Variants in CADPS2 observed in about 807,000 individuals in gnomAD.
The protein encoded by CADPS2 is calcium dependent secretion activator 2.
A neutral mutation model predicts 172.5 loss-of-function variants in CADPS2; 93 were observed. The observed-to-expected ratio is 0.54, with a 90% CI of 0.46 to 0.64. CADPS2 has a LOEUF of 0.64. Among genes scored for constraint, CADPS2 ranks in the 30% least tolerant of loss-of-function variants. CADPS2 has a pLI of 0.00. For synonymous variants in CADPS2, 546 were observed against 555.2 expected, an observed-to-expected ratio of 0.98 and a Z score of 0.23; for missense variants, 1,420 against 1,565.9, an observed-to-expected ratio of 0.91 and a Z score of 1.57.
intron 15 of CADPS2, among the ~76,000 whole-genome samples, chr7:122,450,965 A>G (rs531434109): frequency 6.6e-6 from 1 of 152,230 alleles, no homozygotes; most frequent in Non-Finnish European, 1.5e-5. Context: ...ACTACAGACA[A>G]TAAATGCTCA....
intron 9 of CADPS2, among the ~76,000 whole-genome samples, chr7:122,508,179 CA>C (rs2059747878): frequency 6.6e-6 from 1 of 151,118 alleles, no homozygotes; most frequent in South Asian, 2.1e-4. Flanking sequence ...GAACAATTTT[CA>C]AAAAAAATTA....
intron 9 of CADPS2, among the ~76,000 whole-genome samples, chr7:122,502,958 C>T (rs1283406384): frequency 6.6e-6 from 1 of 151,588 alleles, no homozygotes; most frequent in African/African-American, 2.4e-5. Flanking sequence ...AGATTTTCAG[C>T]CATAACACTT....
chr7:122,679,856 T>C (rs1315377722), intron 2 of CADPS2, among the ~76,000 whole-genome samples: 2 of 152,220 alleles, frequency 1.3e-5, no homozygotes, highest in African/African-American at 4.8e-5. Flanking sequence ...CTCACAATCC[T>C]AATCTTGTGG....
chr7:122,711,836 A>G (rs2088786792), intron 2 of CADPS2, among the ~76,000 whole-genome samples: 2 of 151,914 alleles, frequency 1.3e-5, no homozygotes, highest in African/African-American at 4.8e-5. Flanking sequence ...TATTTTTAGT[A>G]GAGACGGGGT....
intron 1 of CADPS2, among the ~76,000 whole-genome samples, chr7:122,768,742 A>T (rs111827947): frequency 0.012 from 1,807 of 152,304 alleles, 31 homozygotes; most frequent in African/African-American, 0.042. Context: ...GTTTAGGTTT[A>T]TAAGCAAATA....
intron 17 of CADPS2, among the ~76,000 whole-genome samples, chr7:122,418,950 T>A (rs546730526): frequency 6.6e-6 from 1 of 152,216 alleles, no homozygotes; most frequent in South Asian, 2.1e-4. Context: ...CCTGACAAAC[T>A]GCTACTCTGC....
chr7:122,601,012 T>A (rs183719061), intron 6 of CADPS2, among the ~76,000 whole-genome samples: 71 of 152,206 alleles, frequency 4.7e-4, no homozygotes, highest in Non-Finnish European at 1.2e-4. Flanking sequence ...CACAATTTTT[T>A]AAATGTGGAT....
chr7:122,797,073 T>G (rs1024442899), intron 1 of CADPS2, among the ~76,000 whole-genome samples: 1 of 151,776 alleles, frequency 6.6e-6, no homozygotes, highest in Admixed American at 6.6e-5. Flanking sequence ...AAAGAAGATA[T>G]ACATGTGGAT....
intron 14 of CADPS2, among the ~76,000 whole-genome samples, chr7:122,452,773 G>T (rs983649278): frequency 6.6e-6 from 1 of 152,076 alleles, no homozygotes; most frequent in Non-Finnish European, 1.5e-5. Flanking sequence ...AATTTTAATG[G>T]TTATATATAA....
At chr7:122,379,190 C>A in intron 25 of CADPS2, 178 bp downstream of exon 25, 2 of 450,022 alleles carry the variant, frequency 4.4e-6, no homozygotes, top group East Asian at 3.6e-5. Flanking sequence ...AAAACAAAAG[C>A]TGTTGACATA....
At chr7:122,823,117 GAA>G (rs1803867826) in intron 1 of CADPS2, among the ~76,000 whole-genome samples, 2 of 152,216 alleles carry the variant, frequency 1.3e-5, no homozygotes, top group African/African-American at 4.8e-5. Context: ...TTCTTTTTGA[GAA>G]AAGTCTATTC....
intron 6 of CADPS2, among the ~76,000 whole-genome samples, chr7:122,587,420 C>T (rs1183406690): frequency 2.0e-5 from 3 of 152,110 alleles, no homozygotes; most frequent in African/African-American, 7.2e-5. Flanking sequence ...CCAGCTTCAT[C>T]CATGTCCCTG....
At chr7:122,500,063 T>A (rs1481337481) in intron 9 of CADPS2, among the ~76,000 whole-genome samples, 3 of 152,138 alleles carry the variant, frequency 2.0e-5, no homozygotes, top group Admixed American at 2.0e-4. Flanking sequence ...AGACGGACCA[T>A]CCAGCAAGAC....
chr7:122,726,021 G>C (rs573107513), intron 2 of CADPS2, among the ~76,000 whole-genome samples: 140 of 151,714 alleles, frequency 9.2e-4, no homozygotes, highest in African/African-American at 3.2e-3. Flanking sequence ...TTTTCAAATA[G>C]TGTTTATTCA....
chr7:122,803,830 G>A (rs1331436920), intron 1 of CADPS2, among the ~76,000 whole-genome samples: 3 of 152,020 alleles, frequency 2.0e-5, no homozygotes, highest in Admixed American at 6.6e-5. Flanking sequence ...CTTAAGTCCT[G>A]TTAAGTCCTG....
chr7:122,338,778 T>C (rs1406300257), intron 28 of CADPS2, among the ~76,000 whole-genome samples: 3 of 152,170 alleles, frequency 2.0e-5, no homozygotes, highest in Non-Finnish European at 4.4e-5. Context: ...ATTTTTCTTT[T>C]TGAGACAGGG....
At chr7:122,554,971 T>C (rs893518541) in intron 7 of CADPS2, among the ~76,000 whole-genome samples, 2 of 152,192 alleles carry the variant, frequency 1.3e-5, no homozygotes, top group African/African-American at 2.4e-5. Context: ...TGAATTGACG[T>C]TGAAAAATAC....
intron 1 of CADPS2, among the ~76,000 whole-genome samples, chr7:122,865,886 G>A (rs936300937): frequency 6.6e-6 from 1 of 152,224 alleles, no homozygotes; most frequent in African/African-American, 2.4e-5. Context: ...GTCTGTGTGA[G>A]TGAGCTAAAT....
intron 2 of CADPS2, among the ~76,000 whole-genome samples, chr7:122,709,267 A>G (rs942738958): frequency 1.3e-5 from 2 of 152,172 alleles, no homozygotes; most frequent in Non-Finnish European, 2.9e-5. Flanking sequence ...GACACTTCTC[A>G]AAAGAAGACA....
Sources: gnomAD v4.1 joint callset for allele counts (sites outside exome capture counted in the v4.1 genomes callset) on GRCh38, gnomAD v4.1.1 for gene constraint, MANE v1.5 for transcripts, NCBI Gene and HGNC (gene_info 2026-07-23, HGNC 2026-07-21) for gene names.